CSMD3: variants seen among roughly 807,000 people sequenced by gnomAD.
The protein encoded by CSMD3 is CUB and sushi domain-containing protein 3.
CSMD3 carries 177 observed loss-of-function variants against 435.2 expected under a neutral mutation model. That is an observed-to-expected ratio of 0.41 (90% confidence interval 0.36 to 0.46). The LOEUF (loss-of-function observed/expected upper bound fraction) is 0.46, where lower values mean the gene tolerates loss of function less well. CSMD3 is among the 20% of genes least tolerant of loss of function. The probability of loss-of-function intolerance (pLI) is 0.34; values close to 1 mark genes in which losing one functional copy is unlikely to be tolerated. For missense variants in CSMD3, 4,265 were observed against 4,504.6 expected, an observed-to-expected ratio of 0.95 and a Z score of 1.52; for synonymous variants, 1,656 against 1,520.5, an observed-to-expected ratio of 1.09 and a Z score of -2.07.
chr8:112,658,058 A>G (rs2075296992), intron 17 of CSMD3, among the ~76,000 whole-genome samples: 1 of 152,216 alleles, frequency 6.6e-6, no homozygotes, highest in Non-Finnish European at 1.5e-5. Flanking sequence ...TCTCTAGGGT[A>G]GTTACTAGTT....
At chr8:112,467,857 T>C (rs1399983250) in intron 32 of CSMD3, among the ~76,000 whole-genome samples, 1 of 152,088 alleles carries the variant, frequency 6.6e-6, no homozygotes, top group African/African-American at 2.4e-5. Context: ...GAAGAAGCAA[T>C]GAAGGATGCT....
At chr8:112,863,220 T>A (rs1297652929) in intron 10 of CSMD3, among the ~76,000 whole-genome samples, 1 of 152,010 alleles carries the variant, frequency 6.6e-6, no homozygotes, top group Non-Finnish European at 1.5e-5. Flanking sequence ...GTCAGTGTCT[T>A]CTTTTAGATC....
At chr8:112,278,194 A>G (rs1818270319) in intron 59 of CSMD3, among the ~76,000 whole-genome samples, 1 of 152,106 alleles carries the variant, frequency 6.6e-6, no homozygotes, top group African/African-American at 2.4e-5. Context: ...CCAAGGGATG[A>G]CTATCATTAC....
At chr8:112,855,809 C>CTTTTTTTTTTTTT (rs34885472) in intron 11 of CSMD3, among the ~76,000 whole-genome samples, 2 of 135,572 alleles carry the variant, frequency 1.5e-5, no homozygotes, top group Non-Finnish European at 3.1e-5. Flanking sequence ...CTTAGCGAAG[C>CTTTTTTTTTTTTT]TTTTTTTTTT....
intron 4 of CSMD3, among the ~76,000 whole-genome samples, chr8:113,147,018 A>G (rs777293382): frequency 2.0e-5 from 3 of 151,662 alleles, no homozygotes; most frequent in African/African-American, 4.8e-5. Flanking sequence ...TACTACTAGA[A>G]TGTTTAACTA....
At chr8:112,444,351 G>A (rs868034009) in intron 32 of CSMD3, among the ~76,000 whole-genome samples, 5 of 152,264 alleles carry the variant, frequency 3.3e-5, no homozygotes, top group Admixed American at 6.5e-5. Context: ...AATTTCATTC[G>A]TAGGTATTGA....
chr8:113,119,009 A>G (rs2090914234), intron 4 of CSMD3, among the ~76,000 whole-genome samples: 1 of 152,182 alleles, frequency 6.6e-6, no homozygotes, highest in East Asian at 1.9e-4. Context: ...AAAATGTAGC[A>G]AACCTTTGTC....
intron 32 of CSMD3, among the ~76,000 whole-genome samples, 159 bp downstream of exon 32, chr8:112,472,432 T>C (rs1818614425): frequency 2.0e-5 from 3 of 152,154 alleles, no homozygotes. Flanking sequence ...TAAGATGACC[T>C]CAAAATTGTA....
chr8:112,755,507 T>C (rs1222871703), intron 13 of CSMD3, among the ~76,000 whole-genome samples: 1 of 151,434 alleles, frequency 6.6e-6, no homozygotes, highest in African/African-American at 2.4e-5. Flanking sequence ...CAAGTTTGCT[T>C]CCCCTTCGGC....
chr8:113,101,573 T>A lies in CSMD3; in HGVS notation c.710-2610A>T, dbSNP rs138173139. ...GACTCACAATGCTGATAAATAACTC[T>A]ACACTCCTGACACATGGAAGAGAGA... is the stretch of plus-strand genomic sequence containing the variant. On this transcript the variant is annotated intron_variant, in intron 4 of 70. Coordinates refer to ENST00000297405, the MANE Select transcript of CSMD3 (RefSeq NM_198123.2). Among the ~76,000 whole-genome samples the A allele has an allele frequency of 4.7e-3, 709 of 152,160 alleles. 5 individuals carry two copies. The highest frequency in any genetic ancestry group is 0.015 in the African/African-American group (620 of 41,548).
chr8:113,143,458 T>C (rs768616410), intron 4 of CSMD3, among the ~76,000 whole-genome samples: 12 of 151,446 alleles, frequency 7.9e-5, no homozygotes, highest in South Asian at 2.1e-4. Flanking sequence ...AACCTGGTAA[T>C]TGTGCTTCTG....
At chr8:112,968,071 G>A (rs1164786902) in intron 7 of CSMD3, among the ~76,000 whole-genome samples, 1 of 151,646 alleles carries the variant, frequency 6.6e-6, no homozygotes, top group East Asian at 1.9e-4. Flanking sequence ...CGAATTTAAG[G>A]CATAGATGTG....
intron 17 of CSMD3, among the ~76,000 whole-genome samples, chr8:112,658,207 T>C (rs1462481321): frequency 6.6e-6 from 1 of 152,172 alleles, no homozygotes; most frequent in Non-Finnish European, 1.5e-5. Context: ...AAATAATTTT[T>C]AGTTTGAAAT....
At chr8:113,407,853 T>C (rs1252060993) in intron 1 of CSMD3, among the ~76,000 whole-genome samples, 1 of 152,094 alleles carries the variant, frequency 6.6e-6, no homozygotes, top group Non-Finnish European at 1.5e-5. Context: ...AGAAGTAACA[T>C]GTCAGTAATT....
At chr8:112,494,927 T>TGGATACACACACACATGG (rs1821186724) in intron 30 of CSMD3, among the ~76,000 whole-genome samples, 1 of 152,066 alleles carries the variant, frequency 6.6e-6, no homozygotes, top group African/African-American at 2.4e-5. Context: ...CAAGCACACA[T>TGGATACACACACACATGG]ATACACACAC....
At chr8:112,460,166 G>A (rs1817300220) in intron 32 of CSMD3, among the ~76,000 whole-genome samples, 1 of 152,002 alleles carries the variant, frequency 6.6e-6, no homozygotes, top group South Asian at 2.1e-4. Context: ...ATCTCCTAGA[G>A]GGCAGGAACC....
intron 18 of CSMD3, among the ~76,000 whole-genome samples, chr8:112,653,044 T>A (rs1439978591): frequency 1.3e-5 from 2 of 152,272 alleles, no homozygotes; most frequent in African/African-American, 4.8e-5. Flanking sequence ...CTCAAACTAA[T>A]GACCTCAAGT....
intron 3 of CSMD3, among the ~76,000 whole-genome samples, chr8:113,211,590 G>A (rs1413737147): frequency 6.6e-6 from 1 of 152,170 alleles, no homozygotes; most frequent in African/African-American, 2.4e-5. Flanking sequence ...TGGGGAGGCT[G>A]AGGCAGGAGA....
At chr8:113,347,111 T>C (rs905705786) in intron 1 of CSMD3, among the ~76,000 whole-genome samples, 1 of 151,996 alleles carries the variant, frequency 6.6e-6, no homozygotes, top group Admixed American at 6.6e-5. Flanking sequence ...TGTCTATTAA[T>C]AAATAAATAA....
Sources: gnomAD v4.1 joint callset for allele counts (sites outside exome capture counted in the v4.1 genomes callset) on GRCh38, gnomAD v4.1.1 for gene constraint, MANE v1.5 for transcripts, NCBI Gene and HGNC (gene_info 2026-07-23, HGNC 2026-07-21) for gene names.